The following GALNTL6 variants were observed in gnomAD, a reference collection of about 807,000 sequenced individuals.
GALNTL6 encodes the protein polypeptide N-acetylgalactosaminyltransferase like 6, also known as polypeptide N-acetylgalactosaminyltransferase-like 6.
A neutral mutation model predicts 73.7 loss-of-function variants in GALNTL6; 46 were observed. That is an observed-to-expected ratio of 0.62 (90% CI 0.49 to 0.80). GALNTL6 has a LOEUF of 0.80. Ranked by LOEUF, GALNTL6 falls within the 30% of genes least tolerant of loss-of-function variation. GALNTL6 has a pLI of 0.00. For missense variants in GALNTL6, 604 were observed against 755.0 expected (o/e 0.80, Z 2.34); for synonymous variants, 259 against 263.7 (o/e 0.98, Z 0.17).
rs564460525 is a variant in GALNTL6, at chr4:172,822,191, C to A, written c.923+8468C>A. 6.6e-5 allele frequency among the ~76,000 whole-genome samples: 10 copies of A among 152,208 alleles called. No individual in the cohort carries two copies. The East Asian group carries it at 1.9e-3, about 29-fold the overall frequency. The stretch of plus-strand genomic sequence containing the variant: ...ATCCCTGTTAATTATTCTACTGTAC[C>A]TCCCTGCTTTTCTTCAGTTTGTCTT... On this transcript the variant is annotated intron_variant, in intron 7 of 12. Coordinates refer to ENST00000506823, the MANE Select transcript of GALNTL6 (RefSeq NM_001034845.3).
chr4:172,221,302 C>T (rs1412638123), intron 2 of GALNTL6, among the ~76,000 whole-genome samples: 2 of 151,676 alleles, frequency 1.3e-5, no homozygotes, highest in East Asian at 1.9e-4. Context: ...TTCTGGAGAA[C>T]AACCGAGAAT....
intron 5 of GALNTL6, among the ~76,000 whole-genome samples, chr4:172,370,500 G>A (rs1470970226): frequency 6.6e-6 from 1 of 151,600 alleles, no homozygotes; most frequent in African/African-American, 2.4e-5. Flanking sequence ...TTTTGGTGGT[G>A]GGCGCCTGTA....
intron 2 of GALNTL6, among the ~76,000 whole-genome samples, chr4:171,889,861 A>T (rs1433864594): frequency 6.6e-6 from 1 of 152,068 alleles, no homozygotes; most frequent in East Asian, 1.9e-4. Flanking sequence ...AAGTCAAGTC[A>T]TTTTCTAAGA....
At chr4:173,022,827 T>C (rs1753071288) in intron 12 of GALNTL6, among the ~76,000 whole-genome samples, 1 of 152,232 alleles carries the variant, frequency 6.6e-6, no homozygotes, top group South Asian at 2.1e-4. Flanking sequence ...AATTAAGTTA[T>C]TGTTTGAAAA....
chr4:173,032,376 G>A (rs911835265), intron 12 of GALNTL6, among the ~76,000 whole-genome samples: 62 of 151,994 alleles, frequency 4.1e-4, no homozygotes, highest in African/African-American at 1.4e-3. Context: ...GCGTGAACCC[G>A]GGAGGCGGAG....
chr4:172,161,027 T>A (rs1734447838), intron 2 of GALNTL6, among the ~76,000 whole-genome samples: 1 of 151,828 alleles, frequency 6.6e-6, no homozygotes, highest in Admixed American at 6.6e-5. Context: ...AGGTGAAAGA[T>A]GTAATAATCA....
At chr4:172,748,542 G>A (rs1038999047) in intron 5 of GALNTL6, among the ~76,000 whole-genome samples, 2 of 152,026 alleles carry the variant, frequency 1.3e-5, no homozygotes, top group African/African-American at 4.8e-5. Flanking sequence ...CCTGCTGTAT[G>A]TGGAATCTAA....
At chr4:172,730,032 T>G (rs552347318) in intron 5 of GALNTL6, among the ~76,000 whole-genome samples, 3 of 152,310 alleles carry the variant, frequency 2.0e-5, no homozygotes, top group Admixed American at 6.5e-5. Context: ...TTTTTCAGAT[T>G]GTTTGCTGTT....
intron 10 of GALNTL6, among the ~76,000 whole-genome samples, chr4:172,962,079 T>G (rs1480977349): frequency 6.6e-6 from 1 of 152,184 alleles, no homozygotes; most frequent in African/African-American, 2.4e-5. Flanking sequence ...GGGAGGGTTG[T>G]TCTCTGGCTG....
intron 5 of GALNTL6, among the ~76,000 whole-genome samples, chr4:172,739,568 A>G (rs1736681893): frequency 6.6e-6 from 1 of 152,198 alleles, no homozygotes; most frequent in Non-Finnish European, 1.5e-5. Flanking sequence ...TTAAACCAGA[A>G]TAATTCCAGA....
intron 2 of GALNTL6, among the ~76,000 whole-genome samples, chr4:171,848,828 A>G (rs1489919897): frequency 1.3e-5 from 2 of 152,248 alleles, no homozygotes; most frequent in African/African-American, 2.4e-5. Flanking sequence ...CCAAAGCACT[A>G]AAACTTTCTC....
intron 5 of GALNTL6, among the ~76,000 whole-genome samples, chr4:172,464,555 A>G (rs898774789): frequency 1.3e-5 from 2 of 151,932 alleles, no homozygotes; most frequent in Non-Finnish European, 2.9e-5. Context: ...TAAAAATACA[A>G]AATTAGCCGA....
At chr4:172,530,101 T>G (rs1359100611) in intron 5 of GALNTL6, among the ~76,000 whole-genome samples, 1 of 151,878 alleles carries the variant, frequency 6.6e-6, no homozygotes, top group Non-Finnish European at 1.5e-5. Flanking sequence ...ACATCTGGAT[T>G]TCCCATTTTA....
chr4:172,575,342 T>C lies in GALNTL6; in HGVS notation c.553+226653T>C, dbSNP rs574154178. On this transcript the variant is annotated intron_variant, in intron 5 of 12. Transcript: ENST00000506823. ...TCATATGTTAAGAATTTCATAATCATGATGAAAGTCCATTGCTAACTAGGA... is the reference window on the plus strand; with the variant it reads ...TCATATGTTAAGAATTTCATAATCACGATGAAAGTCCATTGCTAACTAGGA... Among the ~76,000 whole-genome samples, 102 of 152,214 alleles carry C rather than the reference T, an allele frequency of 6.7e-4. 1 individual carries two copies. The highest frequency in any genetic ancestry group is 1.4e-3 in the Non-Finnish European group (96 of 68,036).
intron 5 of GALNTL6, among the ~76,000 whole-genome samples, chr4:172,696,934 C>T (rs2111276076): frequency 6.6e-6 from 1 of 152,286 alleles, no homozygotes; most frequent in Non-Finnish European, 1.5e-5. Context: ...TCTTACATGA[C>T]TGATTTGTCA....
chr4:172,286,806 C>T lies in GALNTL6; in HGVS notation c.248-24808C>T, dbSNP rs780572772. ...TTCATAACTGGGACTAGGAAAATGG[C>T]GAGCCAAAGAGCCAAAGAAGGAAAA... On this transcript the variant is annotated intron_variant, in intron 3 of 12. Transcript: ENST00000506823. 4.6e-5 allele frequency among the ~76,000 whole-genome samples: 7 copies of T among 152,026 alleles called. No individual in the cohort carries two copies. In the South Asian group the frequency reaches 8.3e-4, roughly 18 times the overall value.
chr4:172,722,840 A>C (rs1453102371), intron 5 of GALNTL6, among the ~76,000 whole-genome samples: 1 of 152,180 alleles, frequency 6.6e-6, no homozygotes, highest in East Asian at 1.9e-4. Context: ...TTGGAGAGTC[A>C]GTTTCTGCAT....
chr4:172,435,521 G>A (rs1013981865), intron 5 of GALNTL6, among the ~76,000 whole-genome samples: 1 of 152,046 alleles, frequency 6.6e-6, no homozygotes, highest in African/African-American at 2.4e-5. Context: ...AAACAGTAGG[G>A]ATTTAAAGCT....
intron 4 of GALNTL6, among the ~76,000 whole-genome samples, chr4:172,331,140 G>A (rs1417675260): frequency 6.8e-6 from 1 of 147,836 alleles, no homozygotes; most frequent in Non-Finnish European, 1.5e-5. Context: ...CTCATTGTTA[G>A]TTCATTTTTT....
Sources: gnomAD v4.1 joint callset for allele counts (sites outside exome capture counted in the v4.1 genomes callset) on GRCh38, gnomAD v4.1.1 for gene constraint, MANE v1.5 for transcripts, NCBI Gene and HGNC (gene_info 2026-07-23, HGNC 2026-07-21) for gene names.